Variants in ZNF841 observed in about 807,000 individuals in gnomAD.
The protein encoded by ZNF841 is TCONS_00006091.
ZNF841 carries 11 observed loss-of-function variants against 13.0 expected under a neutral mutation model. That is an observed-to-expected ratio of 0.85 (90% CI 0.53 to 1.40). The LOEUF (loss-of-function observed/expected upper bound fraction) is 1.40. Ranked by LOEUF, ZNF841 falls within the 40% of genes most tolerant of loss-of-function variation. ZNF841 has a pLI of 0.00. For synonymous variants in ZNF841, 369 were observed against 381.6 expected, an observed-to-expected ratio of 0.97 and a Z score of 0.38; for missense variants, 1,068 against 1,139.5, an observed-to-expected ratio of 0.94 and a Z score of 0.90.
At chr19:52,086,130 G>C (rs1036701010) in intron 3 of ZNF841, among the ~76,000 whole-genome samples, 1 of 152,126 alleles carries the variant, frequency 6.6e-6, no homozygotes, top group African/African-American at 2.4e-5. Flanking sequence ...CTAGAGTTCA[G>C]GGGACAGGTC....
At chr19:52,080,286 TAAC>T (rs1258862420) in intron 4 of ZNF841, among the ~76,000 whole-genome samples, 16 of 152,290 alleles carry the variant, frequency 1.1e-4, no homozygotes, top group African/African-American at 3.1e-4. Flanking sequence ...GAAATGATTT[TAAC>T]AACAATTCAT....
In ZNF841 at chr19:52,065,356, G is replaced by A. The variant is rs1568533651; in HGVS notation, c.2526C>T (p.Asn842=). Residue 842 remains asparagine, a synonymous_variant, in exon 7 of 7, where the codon AAC becomes AAT. Transcript: ENST00000594440. ...ERSNLVYHQR[N]HTGEKPYKCM... is the part of the protein sequence containing the mutation. Reference sequence around the variant, plus strand: ...ATTTGTATGGCTTCTCTCCAGTATGGTTTCTCTGATGGTAAACCAAGTTTG... The same window carrying A: ...ATTTGTATGGCTTCTCTCCAGTATGATTTCTCTGATGGTAAACCAAGTTTG... 2.5e-6 allele frequency: 4 copies of A among 1,607,450 alleles called. No homozygotes were observed. The highest frequency in any genetic ancestry group is 1.7e-5 in the Admixed American group (1 of 58,326).
At position 52,066,285 on chromosome 19, in the gene ZNF841, T is replaced by C; in HGVS notation, c.1597A>G (p.Arg533Gly). 6.2e-7 allele frequency: 1 copy of C among 1,613,914 alleles called. No homozygotes were observed. Among genetic ancestry groups the C allele is most frequent in the Non-Finnish European group, 8.5e-7 (1 of 1,179,882 alleles). ...TAAGGTTTCTCTCCGGTATGAATTC[T>C]CTGATGTACAGTTAGTAATGAGCCC... ...NWGSLLTVHQRIHTGEKPYKC... is the reference protein window; with the variant it reads ...NWGSLLTVHQGIHTGEKPYKC... The change falls in exon 7 of 7, where the codon AGA (arginine) becomes GGA (glycine). Residue 533 changes from arginine to glycine, a missense_variant. Physicochemically the swap from Arg to Gly is moderately radical, Grantham distance 125. Coordinates refer to ENST00000594440, the MANE Select transcript of ZNF841 (RefSeq NM_001136499.2).
intron 4 of ZNF841, among the ~76,000 whole-genome samples, chr19:52,083,782 G>A (rs1449949731): frequency 6.7e-6 from 1 of 148,684 alleles, no homozygotes; most frequent in Admixed American, 6.7e-5. Flanking sequence ...ACTCACGACA[G>A]TTTAACAAAT....
chr19:52,065,076 C>A lies in ZNF841; in HGVS notation c.*31G>T, dbSNP rs1182302977. 1 of 1,447,652 alleles carries A rather than the reference C, an allele frequency of 6.9e-7. No homozygotes were observed. Among genetic ancestry groups the A allele is most frequent in the East Asian group, 2.5e-5 (1 of 40,748 alleles). 89.7% of individuals were successfully genotyped at this position (1,447,652 alleles called of 1,614,324 possible). A position where few individuals can be genotyped will look rare whatever the true frequency, so the allele number is the denominator to read the frequency against. ...CACATGAGACTTCAAAGGGAAAGGA[C>A]AAATATACAAGCTATATGAGTAAGT... On this transcript the variant is annotated 3_prime_UTR_variant, in exon 7 of 7. Coordinates refer to ENST00000594440, the MANE Select transcript of ZNF841 (RefSeq NM_001136499.2).
downstream of ZNF841, among the ~76,000 whole-genome samples, chr19:52,064,025 T>A (rs1484533276): frequency 2.6e-5 from 4 of 152,156 alleles, no homozygotes; most frequent in African/African-American, 9.7e-5. Flanking sequence ...TATATTCTTA[T>A]GCCTAGTGAA....
Position 52,065,728 on chromosome 19 carries a change from A to C in ZNF841, c.2154T>G (p.Phe718Leu). The C allele has an allele frequency of 2.5e-6, 4 of 1,606,184 alleles. No homozygotes were observed. The highest frequency in any genetic ancestry group is 3.4e-6 in the Non-Finnish European group (4 of 1,175,774). Residue 718 changes from phenylalanine to leucine, a missense_variant, in exon 7 of 7, where the codon TTT becomes TTG. By Grantham distance (22) the Phe-to-Leu change is conservative. Coordinates refer to ENST00000594440, the MANE Select transcript of ZNF841 (RefSeq NM_001136499.2). Reference sequence around the variant, plus strand: ...GGTACACCAGACTTGTTTTATGACTAAAAGTTCTACCACATTCACTACATT... The same window carrying C: ...GGTACACCAGACTTGTTTTATGACTCAAAGTTCTACCACATTCACTACATT... ...PHKCSECGRTFSHKTSLVYHQ... is the reference protein window; with the variant it reads ...PHKCSECGRTLSHKTSLVYHQ...
chr19:52,076,890 A>C, intron 5 of ZNF841, 68 bp downstream of exon 5: 1 of 1,580,742 alleles, frequency 6.3e-7, no homozygotes, highest in Non-Finnish European at 8.6e-7. Flanking sequence ...CCTCACAAGA[A>C]ACACAATAAG....
intron 6 of ZNF841, among the ~76,000 whole-genome samples, chr19:52,074,490 C>T (rs1002336498): frequency 6.6e-6 from 1 of 152,154 alleles, no homozygotes; most frequent in Non-Finnish European, 1.5e-5. Flanking sequence ...AGAGATGAAG[C>T]TGTGAACCTG....
At chr19:52,093,189 G>A (rs1266197540) in intron 2 of ZNF841, among the ~76,000 whole-genome samples, 1 of 152,096 alleles carries the variant, frequency 6.6e-6, no homozygotes, top group African/African-American at 2.4e-5. Context: ...GCCAAGATAT[G>A]GAAACAACCC....
At chr19:52,063,351 A>AT (rs754937806), downstream of ZNF841, among the ~76,000 whole-genome samples, 106 of 151,022 alleles carry the variant, frequency 7.0e-4, no homozygotes, top group Non-Finnish European at 1.1e-3. Context: ...TGAACATTTG[A>AT]TTTTTTTATT....
Position 52,067,298 on chromosome 19 carries a change from A to C in ZNF841, c.584T>G (p.Leu195Trp), listed in dbSNP as rs757017982. The C allele has an allele frequency of 1.9e-6, 3 of 1,551,838 alleles. No individual in the cohort carries two copies. Reference sequence around the variant, plus strand: ...TTTCTCTGCAGTTTGAAATTTCTGCAATTCACCCAGACCGGACTGAAACCT... The same window carrying C: ...TTTCTCTGCAGTTTGAAATTTCTGCCATTCACCCAGACCGGACTGAAACCT... ...ILRFQSGLGELQKFQTAEKIY... is the reference protein window; with the variant it reads ...ILRFQSGLGEWQKFQTAEKIY... Residue 195 changes from leucine (L) to tryptophan (W), a missense_variant, in exon 7 of 7, where the codon TTG (leucine) becomes TGG (tryptophan). Leu to Trp is a moderately conservative substitution (Grantham distance 61). Coordinates refer to ENST00000594440, the MANE Select transcript of ZNF841 (RefSeq NM_001136499.2).
intron 3 of ZNF841, 123 bp from the exon 4 acceptor site, chr19:52,085,001 A>T (rs1244292229): frequency 1.7e-6 from 1 of 590,638 alleles, no homozygotes; most frequent in Non-Finnish European, 3.0e-6. Context: ...GGGGGATGCA[A>T]GCATAATAAA....
At chr19:52,073,188 C>T (rs1484750835) in intron 6 of ZNF841, among the ~76,000 whole-genome samples, 1 of 151,942 alleles carries the variant, frequency 6.6e-6, no homozygotes, top group Non-Finnish European at 1.5e-5. Flanking sequence ...TTGTCATATA[C>T]AAAAATTAAT....
In ZNF841 at chr19:52,084,768, A is replaced by G; in HGVS notation, c.15+19T>C. 6.2e-7 allele frequency: 1 copy of G among 1,613,304 alleles called. No individual in the cohort carries two copies. Among genetic ancestry groups the G allele is most frequent in the Non-Finnish European group, 8.5e-7 (1 of 1,179,598 alleles). On this transcript the variant is annotated intron_variant, in intron 4 of 6. Transcript: ENST00000594440. ...AAAAAGGGAGGAGACAGAACAATCC[A>G]CCAAGATTATCACTTTACCTGAGGA...
intron 6 of ZNF841, among the ~76,000 whole-genome samples, chr19:52,073,306 T>A (rs183077414): frequency 6.6e-6 from 1 of 151,832 alleles, no homozygotes; most frequent in Admixed American, 6.6e-5. Flanking sequence ...TTTTTTTCTT[T>A]TTTTTTTTTA....
intron 2 of ZNF841, among the ~76,000 whole-genome samples, chr19:52,090,704 A>AAAGG: frequency 6.6e-6 from 1 of 151,516 alleles, no homozygotes; most frequent in Non-Finnish European, 1.5e-5. Flanking sequence ...AGAAAGAAAG[A>AAAGG]AAGAGAAAGA....
chr19:52,090,646 GGAAGGAAGGAAA>G (rs1447686470), intron 2 of ZNF841, among the ~76,000 whole-genome samples: 80 of 81,810 alleles, frequency 9.8e-4, no homozygotes, highest in African/African-American at 4.0e-3. Flanking sequence ...AAGGAAGGAA[GGAAGGAAGGAAA>G]GAAAGAAAGA....
At chr19:52,090,060 CT>C (rs1220911426) in intron 2 of ZNF841, among the ~76,000 whole-genome samples, 3 of 152,188 alleles carry the variant, frequency 2.0e-5, no homozygotes, top group Admixed American at 6.5e-5. Flanking sequence ...TTAAAGGCAG[CT>C]GGGCATTGGC....
Sources: allele counts gnomAD v4.1 joint callset (sites outside exome capture counted in the v4.1 genomes callset), GRCh38; gene constraint gnomAD v4.1.1; transcripts MANE v1.5; gene names NCBI Gene and HGNC (gene_info 2026-07-23, HGNC 2026-07-21).